Variants in OR51B5 observed in about 807,000 individuals in gnomAD.
The protein encoded by OR51B5 is olfactory receptor 51B5.
For synonymous variants in OR51B5, 186 were observed against 144.8 expected (o/e 1.28, Z -2.04); for missense variants, 456 against 374.6 (o/e 1.22, Z -1.79).
upstream of OR51B5, chr11:5,343,547 G>GTCA (rs767555437): frequency 7.3e-5 from 48 of 653,412 alleles, no homozygotes; most frequent in Non-Finnish European, 1.2e-4. Context: ...TAGAAGAAAT[G>GTCA]TCTTTCTGTT....
chr11:5,468,592 C>G, intron 1 of OR51B5: 1 of 447,900 alleles, frequency 2.2e-6, no homozygotes, highest in Admixed American at 2.4e-5. Flanking sequence ...GAGACATGAA[C>G]TTGTGCACAT....
intron 1 of OR51B5, among the ~76,000 whole-genome samples, chr11:5,461,442 C>T (rs1009607112): frequency 6.6e-6 from 1 of 152,090 alleles, no homozygotes; most frequent in Admixed American, 6.5e-5. Context: ...AGGTGGAGAC[C>T]CTGGGAGAGG....
At chr11:5,465,167 C>A (rs1244166408) in intron 1 of OR51B5, among the ~76,000 whole-genome samples, 1 of 126,834 alleles carries the variant, frequency 7.9e-6, no homozygotes, top group African/African-American at 3.0e-5. Flanking sequence ...GATCCCGCCA[C>A]TGCACTCCAG....
chr11:5,469,773 C>T (rs182578005), intron 1 of OR51B5, among the ~76,000 whole-genome samples: 51 of 152,274 alleles, frequency 3.3e-4, no homozygotes, highest in Admixed American at 3.2e-3. Flanking sequence ...TCTACTGGGT[C>T]ATAGCCATCA....
chr11:5,494,432 G>A (rs74846270), intron 1 of OR51B5, among the ~76,000 whole-genome samples: 2,905 of 152,126 alleles, frequency 0.019, 98 homozygotes, highest in African/African-American at 0.066. Context: ...CAGGAGCTCC[G>A]TCCACATTAC....
chr11:5,416,148 G>T (rs959976191), intron 1 of OR51B5, among the ~76,000 whole-genome samples: 28 of 149,086 alleles, frequency 1.9e-4, no homozygotes, highest in Non-Finnish European at 3.4e-4. Context: ...ATGTAGTCCA[G>T]CATATAAACA....
intron 1 of OR51B5, among the ~76,000 whole-genome samples, chr11:5,503,358 C>A (rs1307832324): frequency 7.2e-5 from 11 of 152,212 alleles, no homozygotes; most frequent in South Asian, 2.1e-4. Flanking sequence ...AAATAACAAT[C>A]AAAAAATGTC....
chr11:5,452,863 A>G (rs2030090), intron 1 of OR51B5, among the ~76,000 whole-genome samples: 81,042 of 152,042 alleles, frequency 0.53, 22,466 homozygotes, highest in African/African-American at 0.68. Flanking sequence ...AAAATATGTT[A>G]TTTCTGTTGT....
intron 1 of OR51B5, chr11:5,430,639 C>T (rs1305870166): frequency 2.2e-6 from 1 of 444,522 alleles, no homozygotes; most frequent in East Asian, 7.0e-5. Flanking sequence ...CAGTTCCTGA[C>T]TCCTTGCAGT....
At chr11:5,341,152 TCAAATGTGTG>T (rs1848886485), downstream of OR51B5, 2 of 152,190 alleles carry the variant, frequency 1.3e-5, no homozygotes, top group Admixed American at 6.5e-5. Context: ...AGATAGGGAT[TCAAATGTGTG>T]CAATTTATTA....
intron 1 of OR51B5, chr11:5,389,311 G>T: frequency 8.0e-7 from 1 of 1,251,248 alleles, no homozygotes; most frequent in South Asian, 1.4e-5. Flanking sequence ...TGATGACCAT[G>T]GTACTGCTTG....
intron 1 of OR51B5, among the ~76,000 whole-genome samples, chr11:5,428,707 T>C (rs1850486948): frequency 6.6e-6 from 1 of 152,234 alleles, no homozygotes; most frequent in Non-Finnish European, 1.5e-5. Flanking sequence ...AGCCTGGCTG[T>C]CTTCACTCAT....
chr11:5,360,563 C>A (rs1564920779), intron 1 of OR51B5, among the ~76,000 whole-genome samples: 1 of 151,950 alleles, frequency 6.6e-6, no homozygotes, highest in Non-Finnish European at 1.5e-5. Flanking sequence ...CTAGTTCAAC[C>A]ATTGTGGAAG....
chr11:5,348,972 G>C (rs1012394856), intron 1 of OR51B5, among the ~76,000 whole-genome samples: 3 of 152,066 alleles, frequency 2.0e-5, no homozygotes, highest in Non-Finnish European at 4.4e-5. Flanking sequence ...GAAGGTGAGA[G>C]AATATATGAA....
intron 1 of OR51B5, among the ~76,000 whole-genome samples, chr11:5,355,773 A>G (rs1461218157): frequency 6.6e-6 from 1 of 151,966 alleles, no homozygotes; most frequent in Non-Finnish European, 1.5e-5. Context: ...AAAAAAAAAA[A>G]AAAGAGTAGG....
At chr11:5,443,078 G>T (rs906801688) in intron 1 of OR51B5, among the ~76,000 whole-genome samples, 3 of 152,056 alleles carry the variant, frequency 2.0e-5, no homozygotes, top group Non-Finnish European at 2.9e-5. Context: ...AAACTGAGAA[G>T]TCACACCATA....
chr11:5,478,993 T>C (rs1019657148), intron 1 of OR51B5, among the ~76,000 whole-genome samples: 2 of 151,926 alleles, frequency 1.3e-5, no homozygotes, highest in African/African-American at 4.8e-5. Flanking sequence ...AACGTTCAGA[T>C]TCAGGAAATA....
chr11:5,480,069 G>A (rs1851391972), intron 1 of OR51B5, among the ~76,000 whole-genome samples: 1 of 151,104 alleles, frequency 6.6e-6, no homozygotes, highest in African/African-American at 2.4e-5. Flanking sequence ...ATTTTTTTCA[G>A]CACCACACCT....
At chr11:5,354,046 C>CT (rs1849146664) in intron 1 of OR51B5, among the ~76,000 whole-genome samples, 1 of 152,090 alleles carries the variant, frequency 6.6e-6, no homozygotes, top group African/African-American at 2.4e-5. Context: ...TTCTTATTCC[C>CT]TACTGTATTA....
Sources: gnomAD v4.1 joint callset for allele counts (sites outside exome capture counted in the v4.1 genomes callset) on GRCh38, gnomAD v4.1.1 for gene constraint, MANE v1.5 for transcripts, NCBI Gene and HGNC (gene_info 2026-07-23, HGNC 2026-07-21) for gene names.